Variants in BACE2 observed in about 807,000 individuals in gnomAD.
The protein encoded by BACE2 is beta-secretase 2, also known as 56 kDa aspartic-like protease.
In BACE2, 17 loss-of-function variants were observed where a neutral mutation model predicts 46.2. That is an observed-to-expected ratio of 0.37 (90% CI 0.25 to 0.55). BACE2 has a LOEUF of 0.55. Among genes scored for constraint, BACE2 ranks in the 20% least tolerant of loss-of-function variants. The pLI, the probability that BACE2 is intolerant of heterozygous loss-of-function variation, is 0.82. For missense variants in BACE2, 595 were observed against 698.1 expected, an observed-to-expected ratio of 0.85 and a Z score of 1.66; for synonymous variants, 277 against 295.9, an observed-to-expected ratio of 0.94 and a Z score of 0.66.
intron 2 of BACE2, among the ~76,000 whole-genome samples, chr21:41,229,004 G>A (rs1986899386): frequency 6.6e-6 from 1 of 152,242 alleles, no homozygotes; most frequent in Admixed American, 6.5e-5. Flanking sequence ...ACTTTGGAAA[G>A]TGGTGTGGGA....
chr21:41,182,734 A>G (rs1441216512), intron 1 of BACE2: 1 of 167,076 alleles, frequency 6.0e-6, no homozygotes, highest in Non-Finnish European at 1.5e-5. Context: ...CAGACCATCT[A>G]CAACATAGCT....
chr21:41,279,100 GA>G lies in BACE2; in HGVS notation c.*3477del, dbSNP rs1894699611. On this transcript the variant is annotated 3_prime_UTR_variant, in exon 9 of 9. Coordinates refer to ENST00000330333, the MANE Select transcript of BACE2 (RefSeq NM_012105.5). ...GGGGTTCTGGCCAAGAGAGGTACTA[GA>G]TTTTTTTAATGCCGAGAAAAGTCCA... The G allele has an allele frequency of 6.6e-6, 1 of 152,024 alleles. No individual in the cohort carries two copies. The highest frequency in any genetic ancestry group is 2.4e-5 in the African/African-American group (1 of 41,388). 9.4% of individuals were successfully genotyped at this position (152,024 alleles called of 1,614,324 possible).
chr21:41,214,461 G>C (rs1412588462), intron 1 of BACE2, among the ~76,000 whole-genome samples: 1 of 152,184 alleles, frequency 6.6e-6, no homozygotes, highest in Admixed American at 6.5e-5. Context: ...TGGAACTGGG[G>C]CATATTGTCA....
At chr21:41,217,873 T>C (rs528239600) in intron 1 of BACE2, among the ~76,000 whole-genome samples, 1 of 152,150 alleles carries the variant, frequency 6.6e-6, no homozygotes, top group African/African-American at 2.4e-5. Context: ...CACGCCTCCA[T>C]GACACAGCCT....
chr21:41,260,094 C>A (rs1485010418), intron 8 of BACE2, among the ~76,000 whole-genome samples: 2 of 150,860 alleles, frequency 1.3e-5, no homozygotes. Flanking sequence ...CCGCCGTGGC[C>A]TCCCAAAGTG....
chr21:41,253,775 C>A (rs948178668), intron 7 of BACE2, among the ~76,000 whole-genome samples: 1 of 152,176 alleles, frequency 6.6e-6, no homozygotes, highest in African/African-American at 2.4e-5. Context: ...CACATCTCTG[C>A]ATAAGAATTC....
intron 8 of BACE2, among the ~76,000 whole-genome samples, chr21:41,258,908 G>A (rs946767576): frequency 2.6e-5 from 4 of 152,190 alleles, no homozygotes; most frequent in Non-Finnish European, 4.4e-5. Flanking sequence ...TTATCATTGA[G>A]TGAGACCTTT....
At chr21:41,235,197 G>T (rs909117007) in intron 2 of BACE2, among the ~76,000 whole-genome samples, 22 of 152,164 alleles carry the variant, frequency 1.4e-4, no homozygotes, top group African/African-American at 5.3e-4. Flanking sequence ...GTTAATATTT[G>T]AGTGTAATAA....
At position 41,179,236 on chromosome 21, in the gene BACE2, TGTCCAGGGTGAGGAGTGAGGGA is replaced by T. The variant is rs777842563; in HGVS notation, c.312+10698_312+10719del. The T allele has an allele frequency of 6.3e-4, 773 of 1,227,732 alleles. 13 individuals carry two copies. In the South Asian group the frequency reaches 9.4e-3, roughly 15 times the overall value. The allele number at this position is 1,227,732 out of a possible 1,614,324, so 76.1% of individuals were successfully genotyped here. On this transcript the variant is annotated intron_variant, in intron 1 of 8. Coordinates refer to ENST00000330333, the MANE Select transcript of BACE2 (RefSeq NM_012105.5). ...GGGTGTCCAGGATGAGGAGTGAGGG[TGTCCAGGGTGAGGAGTGAGGGA>T]GTCCAGGGTGAGGAGTGAGGGAGTC...
chr21:41,255,303 C>T (rs141148535), intron 7 of BACE2, among the ~76,000 whole-genome samples: 1 of 152,220 alleles, frequency 6.6e-6, no homozygotes, highest in African/African-American at 2.4e-5. Flanking sequence ...GGCTAGATCA[C>T]GGGGTGACCT....
intron 1 of BACE2, among the ~76,000 whole-genome samples, chr21:41,210,962 C>G (rs1438219568): frequency 6.6e-6 from 1 of 152,208 alleles, no homozygotes; most frequent in African/African-American, 2.4e-5. Flanking sequence ...CTTCAAAGTG[C>G]CTGTCTCTGT....
intron 2 of BACE2, among the ~76,000 whole-genome samples, chr21:41,226,660 T>C (rs1986828080): frequency 6.6e-6 from 1 of 152,016 alleles, no homozygotes; most frequent in African/African-American, 2.4e-5. Context: ...GGCCCTTTGG[T>C]GTTTATTGCA....
At chr21:41,186,149 G>C (rs1046005354) in intron 1 of BACE2, 1 of 152,216 alleles carries the variant, frequency 6.6e-6, no homozygotes, top group African/African-American at 2.4e-5. Flanking sequence ...AGGGTGCAAA[G>C]GGGACTCTCA....
chr21:41,169,845 A>G (rs1304568593), intron 1 of BACE2, among the ~76,000 whole-genome samples: 1 of 152,220 alleles, frequency 6.6e-6, no homozygotes, highest in Admixed American at 6.5e-5. Context: ...GATCTTTGCC[A>G]TCTCCAGGAG....
chr21:41,175,686 G>C (rs1201734351), intron 1 of BACE2: 2 of 152,670 alleles, frequency 1.3e-5, no homozygotes, highest in African/African-American at 2.4e-5. Flanking sequence ...CATGCCACGG[G>C]GGTGGTGAGG....
intron 3 of BACE2, 140 bp downstream of exon 3, chr21:41,237,869 C>T (rs757097153): frequency 3.1e-6 from 2 of 652,208 alleles, no homozygotes; most frequent in Non-Finnish European, 5.3e-6. Flanking sequence ...CCAGCATTCA[C>T]ACAATTATAT....
At chr21:41,238,386 T>C (rs2837979) in intron 3 of BACE2, among the ~76,000 whole-genome samples, 4,031 of 152,276 alleles carry the variant, frequency 0.026, 164 homozygotes, top group African/African-American at 0.091. Context: ...AAAGGAAATA[T>C]GTCTGTATGC....
intron 1 of BACE2, among the ~76,000 whole-genome samples, chr21:41,209,123 A>G (rs562681591): frequency 6.6e-6 from 1 of 152,334 alleles, no homozygotes; most frequent in South Asian, 2.1e-4. Context: ...ACACACCGCC[A>G]GGCCATGGAG....
intron 2 of BACE2, among the ~76,000 whole-genome samples, chr21:41,233,327 A>G (rs1987020107): frequency 6.6e-6 from 1 of 152,150 alleles, no homozygotes; most frequent in Non-Finnish European, 1.5e-5. Context: ...TATTATCACC[A>G]TTTTTTAGTT....
Sources: gnomAD v4.1 joint callset for allele counts (sites outside exome capture counted in the v4.1 genomes callset) on GRCh38, gnomAD v4.1.1 for gene constraint, MANE v1.5 for transcripts, NCBI Gene and HGNC (gene_info 2026-07-23, HGNC 2026-07-21) for gene names.